The following WNK1 variants were observed in gnomAD, a reference collection of about 807,000 sequenced individuals.
WNK1 encodes serine/threonine-protein kinase WNK1.
Under a neutral mutation model 222.8 loss-of-function variants are expected in WNK1, and 38 were observed. The observed-to-expected ratio is 0.17, with a 90% CI of 0.13 to 0.22. WNK1 has a LOEUF of 0.22. Among genes scored for constraint, WNK1 ranks in the 10% least tolerant of loss-of-function variants. The pLI, the probability that WNK1 is intolerant of heterozygous loss-of-function variation, is 1.00. For missense variants in WNK1, 2,348 were observed against 2,918.4 expected (o/e 0.80, Z 4.50); for synonymous variants, 1,090 against 1,092.9 (o/e 1.00, Z 0.05).
intron 9 of WNK1, among the ~76,000 whole-genome samples, chr12:877,006 A>T (rs1952679986): frequency 6.6e-6 from 1 of 151,984 alleles, no homozygotes; most frequent in Admixed American, 6.6e-5. Flanking sequence ...TAAAGAAAAA[A>T]TATAAATTAG....
At chr12:823,959 T>G (rs1405201743) in intron 2 of WNK1, among the ~76,000 whole-genome samples, 2 of 143,954 alleles carry the variant, frequency 1.4e-5, no homozygotes, top group African/African-American at 5.2e-5. Context: ...CAGGGCGGAG[T>G]GCAGTGGCGT....
intron 4 of WNK1, among the ~76,000 whole-genome samples, chr12:840,453 T>C (rs1949541758): frequency 6.6e-6 from 1 of 152,160 alleles, no homozygotes; most frequent in Non-Finnish European, 1.5e-5. Context: ...TTTTAATGTT[T>C]GGGGAAAATG....
At position 898,497 on chromosome 12, in the gene WNK1, A is replaced by G. The variant is rs565248159; in HGVS notation, c.6448+816A>G. Among the ~76,000 whole-genome samples the G allele has an allele frequency of 1.3e-3, 201 of 151,726 alleles. 1 individual carries two copies. The East Asian group carries it at 0.032, about 24-fold the overall frequency. ...GACTCTGTCTCAAAAAAAAAAAAAA[A>G]AAGAAGAACTTGCTAGTCATTAAAA... On this transcript the variant is annotated intron_variant, in intron 25 of 27. Transcript: ENST00000315939.
intron 11 of WNK1, 82 bp downstream of exon 11, chr12:880,113 G>A (rs1953015484): frequency 7.4e-7 from 1 of 1,352,386 alleles, no homozygotes; most frequent in East Asian, 2.4e-5. Flanking sequence ...TAATAGTTGA[G>A]TGTCAGAATA....
At chr12:890,099 C>G (rs575968892) in intron 21 of WNK1, among the ~76,000 whole-genome samples, 4 of 151,560 alleles carry the variant, frequency 2.6e-5, no homozygotes, top group African/African-American at 9.7e-5. Flanking sequence ...ATTACAGGTG[C>G]CCGCCACCAC....
At chr12:844,510 A>G (rs914631595) in intron 4 of WNK1, among the ~76,000 whole-genome samples, 2 of 152,216 alleles carry the variant, frequency 1.3e-5, no homozygotes, top group Non-Finnish European at 1.5e-5. Context: ...TTGAAGAGTA[A>G]GTCCATTGGA....
Position 881,869 on chromosome 12 carries a change from CATATT to C in WNK1, c.3210-38_3210-34del, listed in dbSNP as rs1451558096. On this transcript the variant is annotated intron_variant, in intron 13 of 27. Coordinates refer to ENST00000315939, the MANE Select transcript of WNK1 (RefSeq NM_018979.4). ...GCCAAACTGTCAGACCTTTAAATCT[CATATT>C]ATAAACTGCACTTTTTTTTCTTTTT... 1.9e-6 allele frequency: 3 copies of C among 1,613,804 alleles called. No individual in the cohort carries two copies. The African/African-American group carries it at 4.0e-5, about 22-fold the overall frequency.
rs1956058545 is a variant in WNK1 at position 911,208 on chromosome 12, T to A, written c.*2416T>A. The A allele has an allele frequency of 2.5e-6, 1 of 398,252 alleles. No homozygotes were observed. Among genetic ancestry groups the A allele is most frequent in the East Asian group, 3.6e-5 (1 of 28,040 alleles). 24.7% of individuals were successfully genotyped at this position (398,252 alleles called of 1,614,324 possible). A position where few individuals can be genotyped will look rare whatever the true frequency, so the allele number is the denominator to read the frequency against. ...TTGTGTTAATAGTACACTTTGAGTA[T>A]CTTTTTCCACATTAAAAACTTTCTG... On this transcript the variant is annotated 3_prime_UTR_variant, in exon 28 of 28. Transcript: ENST00000315939.
chr12:793,826 G>A (rs929073404), intron 1 of WNK1, among the ~76,000 whole-genome samples: 1 of 151,998 alleles, frequency 6.6e-6, no homozygotes, highest in Non-Finnish European at 1.5e-5. Flanking sequence ...CAATTCAGTG[G>A]TTTTTAAAGT....
chr12:820,395 T>C (rs1345390061), intron 2 of WNK1, among the ~76,000 whole-genome samples: 2 of 151,968 alleles, frequency 1.3e-5, no homozygotes, highest in Non-Finnish European at 2.9e-5. Flanking sequence ...TTTTTGTGTG[T>C]CAGTCTTGTA....
chr12:898,338 G>A (rs1954922711), intron 25 of WNK1, among the ~76,000 whole-genome samples: 1 of 151,730 alleles, frequency 6.6e-6, no homozygotes, highest in Admixed American at 6.6e-5. Flanking sequence ...AAAAAATTAG[G>A]TGGGCATGGT....
At chr12:859,881 A>G (rs1256441744) in intron 6 of WNK1, among the ~76,000 whole-genome samples, 1 of 151,538 alleles carries the variant, frequency 6.6e-6, no homozygotes, top group Non-Finnish European at 1.5e-5. Flanking sequence ...ACACCTGACT[A>G]ATTTTTGTAT....
At chr12:805,555 C>T (rs1946300395) in intron 1 of WNK1, among the ~76,000 whole-genome samples, 2 of 152,148 alleles carry the variant, frequency 1.3e-5, no homozygotes, top group African/African-American at 4.8e-5. Context: ...TTTGACAGTG[C>T]AAACCAAATT....
chr12:771,142 T>C (rs1468734263), intron 1 of WNK1, among the ~76,000 whole-genome samples: 1 of 151,402 alleles, frequency 6.6e-6, no homozygotes, highest in Non-Finnish European at 1.5e-5. Flanking sequence ...GGACTACAGG[T>C]GCATGCCACC....
At chr12:815,213 A>G (rs899906637) in intron 2 of WNK1, among the ~76,000 whole-genome samples, 2 of 152,060 alleles carry the variant, frequency 1.3e-5, no homozygotes, top group Non-Finnish European at 2.9e-5. Flanking sequence ...ATCTTAGAGG[A>G]TCTGTTTTTA....
At chr12:782,635 GC>G (rs1365822812) in intron 1 of WNK1, among the ~76,000 whole-genome samples, 1 of 152,058 alleles carries the variant, frequency 6.6e-6, no homozygotes, top group African/African-American at 2.4e-5. Flanking sequence ...CTTCCGAGCA[GC>G]TAGGATTACA....
chr12:782,854 T>C (rs983688095), intron 1 of WNK1, among the ~76,000 whole-genome samples: 2 of 151,994 alleles, frequency 1.3e-5, no homozygotes, highest in African/African-American at 4.8e-5. Context: ...GTGGAATTAA[T>C]TTCATGAATA....
rs182259088 is a variant in WNK1 at position 886,420 on chromosome 12, C to T, written c.5280+336C>T. ...TAAATGCATCTGTCAGCAAAATGTA[C>T]GTAAATAATAGCAGTTCATAGTCTT... On this transcript the variant is annotated intron_variant, in intron 19 of 27. Coordinates refer to ENST00000315939, the MANE Select transcript of WNK1 (RefSeq NM_018979.4). 1.4e-4 allele frequency among the ~76,000 whole-genome samples: 22 copies of T among 152,028 alleles called. No individual in the cohort carries two copies. In the East Asian group the frequency reaches 3.7e-3, roughly 25 times the overall value.
chr12:880,805 T>C lies in WNK1; in HGVS notation c.2917T>C (p.Ser973Pro). The C allele has an allele frequency of 1.2e-6, 2 of 1,614,068 alleles. No individual in the cohort carries two copies. Among genetic ancestry groups the C allele is most frequent in the Non-Finnish European group, 1.7e-6 (2 of 1,180,010 alleles). Residue 973 changes from serine to proline, a missense_variant, in exon 12 of 28, where the codon TCT becomes CCT. This residue lies in a region of WNK1 where 547 missense variants were observed against 558.3 expected (regional missense o/e 0.98). Transcript: ENST00000315939. ...SSNVASVCIH[S>P]TVLSPPMPTE... ...CAACGTGGCTTCTGTTTGCATCCATTCTACAGTCCTATCCCCTCCCATGCC... is the reference window on the plus strand; with the variant it reads ...CAACGTGGCTTCTGTTTGCATCCATCCTACAGTCCTATCCCCTCCCATGCC...
Sources: allele counts gnomAD v4.1 joint callset (sites outside exome capture counted in the v4.1 genomes callset), GRCh38; gene constraint gnomAD v4.1.1; regional missense constraint gnomAD v4.1.1; transcripts MANE v1.5; gene names NCBI Gene and HGNC (gene_info 2026-07-23, HGNC 2026-07-21).